Variants in FARP2 observed in about 807,000 individuals in gnomAD.
FARP2 encodes the protein FERM, ARHGEF and pleckstrin domain-containing protein 2.
In FARP2, 111 loss-of-function variants were observed where a neutral mutation model predicts 130.5. That is an observed-to-expected ratio of 0.85 (90% confidence interval 0.73 to 1.00). FARP2 has a LOEUF of 1.00. FARP2 is among the 50% of genes least tolerant of loss of function. The probability of loss-of-function intolerance (pLI) is 0.00; values close to 1 mark genes in which losing one functional copy is unlikely to be tolerated. For missense variants in FARP2, 1,385 were observed against 1,346.3 expected (o/e 1.03, Z -0.45); for synonymous variants, 504 against 516.9 (o/e 0.98, Z 0.34).
At chr2:241,453,444 A>C (rs2063731758) in intron 13 of FARP2, among the ~76,000 whole-genome samples, 1 of 151,686 alleles carries the variant, frequency 6.6e-6, no homozygotes, top group Non-Finnish European at 1.5e-5. Context: ...AACATGGTGA[A>C]ACCCCGTCTC....
At position 241,428,993 on chromosome 2, in the gene FARP2, G is replaced by A. The variant is rs114431688; in HGVS notation, c.772-2686G>A. On this transcript the variant is annotated intron_variant, in intron 8 of 26. Coordinates refer to ENST00000264042, the MANE Select transcript of FARP2 (RefSeq NM_014808.4). Reference sequence around the variant, plus strand: ...CAGTGTTTTACTCCTTATGGCTAAAGGGGTTTGTTTTTTCCTTTGGAGCTG... The same window carrying A: ...CAGTGTTTTACTCCTTATGGCTAAAAGGGTTTGTTTTTTCCTTTGGAGCTG... 6.7e-3 allele frequency among the ~76,000 whole-genome samples: 1,015 copies of A among 152,330 alleles called. 10 individuals are homozygous for A. Among genetic ancestry groups the A allele is most frequent in the Middle Eastern group, 0.037 (11 of 294 alleles).
At chr2:241,467,438 GAGTTCGAGACCAGCCTGGGCAAC>G (rs1417667956) in intron 17 of FARP2, among the ~76,000 whole-genome samples, 10 of 152,186 alleles carry the variant, frequency 6.6e-5, no homozygotes, top group Admixed American at 2.6e-4. Context: ...TTAAGCTCAG[GAGTTCGAGACCAGCCTGGGCAAC>G]ATGGTGAGAC....
intron 1 of FARP2, among the ~76,000 whole-genome samples, chr2:241,360,519 A>G (rs1008280517): frequency 9.2e-5 from 14 of 152,016 alleles, no homozygotes; most frequent in African/African-American, 3.1e-4. Context: ...CTAAAAATAC[A>G]AAAAATGAGC....
intron 8 of FARP2, among the ~76,000 whole-genome samples, chr2:241,418,967 C>T (rs1331409539): frequency 2.0e-5 from 3 of 152,154 alleles, no homozygotes; most frequent in African/African-American, 7.2e-5. Flanking sequence ...CTGAAAAGGT[C>T]TCCTCAATGC....
chr2:241,468,766 T>C (rs1028166413), intron 18 of FARP2, among the ~76,000 whole-genome samples: 2 of 152,248 alleles, frequency 1.3e-5, no homozygotes, highest in Non-Finnish European at 2.9e-5. Flanking sequence ...ACCTGCTGCC[T>C]ATGGATGTTT....
At chr2:241,493,078 A>G (rs780030293) in intron 25 of FARP2, 42 bp downstream of exon 25, 1 of 1,234,696 alleles carries the variant, frequency 8.1e-7, no homozygotes, top group Non-Finnish European at 1.2e-6. Flanking sequence ...TGATGCTAGC[A>G]GACAGACACT....
chr2:241,394,124 T>G (rs964566373), intron 2 of FARP2, among the ~76,000 whole-genome samples: 1 of 152,160 alleles, frequency 6.6e-6, no homozygotes, highest in African/African-American at 2.4e-5. Flanking sequence ...ATTTGGTACT[T>G]TGGGAACATG....
chr2:241,410,851 CTGTT>C (rs1387614024), intron 5 of FARP2, 178 bp from the exon 6 acceptor site: 11 of 566,598 alleles, frequency 1.9e-5, no homozygotes, highest in East Asian at 6.2e-5. Flanking sequence ...CACTTGGTGA[CTGTT>C]TGTTTCATGA....
chr2:241,422,644 C>T (rs554430936), intron 8 of FARP2, among the ~76,000 whole-genome samples: 1 of 152,094 alleles, frequency 6.6e-6, no homozygotes, highest in Admixed American at 6.6e-5. Context: ...TTGACAGAAG[C>T]AGGCTTTGGA....
At chr2:241,492,369 C>G (rs912567173) in intron 24 of FARP2, among the ~76,000 whole-genome samples, 1 of 152,190 alleles carries the variant, frequency 6.6e-6, no homozygotes, top group Non-Finnish European at 1.5e-5. Context: ...CACCTGAGAT[C>G]TAAGCAGGGT....
rs543957880 is a variant in FARP2 at position 241,365,974 on chromosome 2, CT to C, written c.-24-7097del. Among the ~76,000 whole-genome samples, 254 of 135,714 alleles carry C rather than the reference CT, an allele frequency of 1.9e-3. 2 individuals are homozygous for C. The highest frequency in any genetic ancestry group is 0.015 in the Middle Eastern group (4 of 266). The allele number at this position is 135,714 out of a possible 152,430, so 89.0% of individuals were successfully genotyped here. A position where few individuals can be genotyped will look rare whatever the true frequency, so the allele number is the denominator to read the frequency against. On this transcript the variant is annotated intron_variant, in intron 1 of 26. Transcript: ENST00000264042. ...TTTTCATTAGTTTTTGGTTTATGCT[CT>C]TTTTTTTTTTTTAATATAAACAAAT...
chr2:241,472,211 G>T (rs1364028044), intron 18 of FARP2, among the ~76,000 whole-genome samples: 1 of 151,366 alleles, frequency 6.6e-6, no homozygotes, highest in African/African-American at 2.4e-5. Context: ...TGGGAACCCT[G>T]TTCTGAGGGG....
intron 13 of FARP2, among the ~76,000 whole-genome samples, chr2:241,450,730 T>G (rs1350976308): frequency 6.6e-6 from 1 of 151,886 alleles, no homozygotes; most frequent in East Asian, 1.9e-4. Flanking sequence ...GAGGCTGAGG[T>G]GGGCCAATCA....
chr2:241,429,949 G>A (rs2063051083), intron 8 of FARP2, among the ~76,000 whole-genome samples: 1 of 152,044 alleles, frequency 6.6e-6, no homozygotes, highest in Non-Finnish European at 1.5e-5. Flanking sequence ...TTTGTGGAGC[G>A]ATACTTTGAG....
chr2:241,486,287 C>CTTTTTTTTTTTTTT (rs71406464), intron 21 of FARP2, among the ~76,000 whole-genome samples: 1 of 103,896 alleles, frequency 9.6e-6, no homozygotes, highest in Non-Finnish European at 1.9e-5. Context: ...CTCCAAAAAT[C>CTTTTTTTTTTTTTT]TTTTTTTTTT....
intron 2 of FARP2, 106 bp from the exon 3 acceptor site, chr2:241,403,722 A>G: frequency 4.9e-6 from 3 of 610,050 alleles, no homozygotes; most frequent in Non-Finnish European, 8.8e-6. Flanking sequence ...ACACTGGAAG[A>G]CAAAGTGATT....
At chr2:241,450,246 C>G (rs1196435120) in intron 13 of FARP2, among the ~76,000 whole-genome samples, 1 of 151,956 alleles carries the variant, frequency 6.6e-6, no homozygotes, top group Non-Finnish European at 1.5e-5. Flanking sequence ...GCCTGTGATT[C>G]CAGCTACTCG....
chr2:241,408,972 C>T (rs1268196427), intron 5 of FARP2, among the ~76,000 whole-genome samples: 3 of 151,154 alleles, frequency 2.0e-5, no homozygotes, highest in African/African-American at 7.3e-5. Flanking sequence ...AAATGCCTGA[C>T]ATTTACCAAA....
intron 13 of FARP2, among the ~76,000 whole-genome samples, chr2:241,452,020 G>T (rs1345908414): frequency 6.6e-6 from 1 of 152,230 alleles, no homozygotes; most frequent in East Asian, 1.9e-4. Context: ...TTCCCAAAGT[G>T]CTGGGATTAC....
Sources: gnomAD v4.1 joint callset for allele counts (sites outside exome capture counted in the v4.1 genomes callset) on GRCh38, gnomAD v4.1.1 for gene constraint, MANE v1.5 for transcripts, NCBI Gene and HGNC (gene_info 2026-07-23, HGNC 2026-07-21) for gene names.